Variants in GRM1 observed in about 807,000 individuals in gnomAD.
The protein encoded by GRM1 is metabotropic glutamate receptor 1.
A neutral mutation model predicts 90.9 loss-of-function variants in GRM1; 33 were observed. That is an observed-to-expected ratio of 0.36 (90% confidence interval 0.28 to 0.49). The LOEUF (loss-of-function observed/expected upper bound fraction) is 0.49, where lower values mean the gene tolerates loss of function less well. GRM1 is among the 20% of genes least tolerant of loss of function. The pLI, the probability that GRM1 is intolerant of heterozygous loss-of-function variation, is 0.99. For missense variants in GRM1, 1,190 were observed against 1,534.3 expected (o/e 0.78, Z 3.75); for synonymous variants, 700 against 613.2 (o/e 1.14, Z -2.09).
intron 2 of GRM1, among the ~76,000 whole-genome samples, chr6:146,212,247 T>G (rs1478402042): frequency 6.6e-6 from 1 of 152,238 alleles, no homozygotes; most frequent in Non-Finnish European, 1.5e-5. Context: ...GTAGCCTAGC[T>G]AAGTTGACAC....
chr6:146,159,756 G>A (rs1218042366), intron 2 of GRM1, 159 bp downstream of exon 2: 8 of 649,528 alleles, frequency 1.2e-5, no homozygotes, highest in Middle Eastern at 4.2e-4. Context: ...CATTAGTTCT[G>A]GATCTCACTG....
intron 3 of GRM1, among the ~76,000 whole-genome samples, chr6:146,323,210 T>C (rs946787493): frequency 2.0e-5 from 3 of 152,180 alleles, no homozygotes; most frequent in Admixed American, 2.0e-4. Flanking sequence ...CCACCAACAG[T>C]GTAAAAGTGT....
intron 1 of GRM1, among the ~76,000 whole-genome samples, chr6:146,122,215 C>T (rs868325244): frequency 1.3e-5 from 2 of 152,094 alleles, no homozygotes; most frequent in African/African-American, 4.8e-5. Flanking sequence ...TTGGTCTTTG[C>T]CCCCTTCTAG....
rs1450837030 is a variant in GRM1, at chr6:146,398,851, C to G, written c.1812C>G (p.Ile604Met). Residue 604 changes from isoleucine (I) to methionine (M), a missense_variant, in exon 7 of 8, where the codon ATC becomes ATG. Physicochemically the swap from Ile to Met is conservative, Grantham distance 10 (BLOSUM62 1). Coordinates refer to ENST00000282753, the MANE Select transcript of GRM1 (RefSeq NM_001278064.2). The part of the protein sequence containing the change: ...IIAIAFSCLG[I>M]LVTLFVTLIF... ...CCATCGCCTTTTCATGCCTGGGAAT[C>G]CTTGTTACCTTGTTTGTCACCCTAA... 29 of 1,613,714 alleles carry G rather than the reference C, an allele frequency of 1.8e-5. No homozygotes were observed. The highest frequency in any genetic ancestry group is 2.1e-5 in the Non-Finnish European group (25 of 1,179,640).
At chr6:146,180,468 G>C (rs964235963) in intron 2 of GRM1, among the ~76,000 whole-genome samples, 4 of 152,094 alleles carry the variant, frequency 2.6e-5, no homozygotes, top group Non-Finnish European at 5.9e-5. Context: ...TTTAAAAGCA[G>C]AGGAACTTTT....
At chr6:146,377,596 GCATTAGAAAAGAAAAACC>G (rs1460001781) in intron 5 of GRM1, among the ~76,000 whole-genome samples, 2 of 152,116 alleles carry the variant, frequency 1.3e-5, no homozygotes, top group African/African-American at 2.4e-5. Flanking sequence ...GCCTGATGAT[GCATTAGAAAAGAAAAACC>G]CATTTTCTAG....
At chr6:146,171,663 A>G (rs1361641210) in intron 2 of GRM1, 7 of 285,500 alleles carry the variant, frequency 2.5e-5, no homozygotes, top group African/African-American at 9.1e-5. Flanking sequence ...GAGTACATCA[A>G]AGATGACTGG....
intron 1 of GRM1, among the ~76,000 whole-genome samples, chr6:146,071,701 G>A (rs1305777860): frequency 1.3e-5 from 2 of 152,124 alleles, no homozygotes; most frequent in Non-Finnish European, 2.9e-5. Flanking sequence ...AAGGAAGGGA[G>A]ACAGGATAAG....
intron 1 of GRM1, among the ~76,000 whole-genome samples, chr6:146,124,849 A>G (rs538076836): frequency 2.2e-4 from 34 of 152,322 alleles, no homozygotes; most frequent in Admixed American, 4.6e-4. Flanking sequence ...GCAGGTTGAC[A>G]TTAATAACCA....
Position 146,148,335 on chromosome 6 carries a change from ATTG to A in GRM1, c.701-11010_701-11008del, listed in dbSNP as rs1259037907. Among the ~76,000 whole-genome samples the A allele has an allele frequency of 4.6e-5, 7 of 152,280 alleles. 1 individual carries two copies. The South Asian group carries it at 1.0e-3, about 23-fold the overall frequency. On this transcript the variant is annotated intron_variant, in intron 1 of 7. Transcript: ENST00000282753. Reference sequence around the variant, plus strand: ...ATAATTCTATCGTCTAAATAAAACTATTGTTAACATTTTTATACTTGTTCTTTA... The same window carrying A: ...ATAATTCTATCGTCTAAATAAAACTATTAACATTTTTATACTTGTTCTTTA...
chr6:146,304,683 G>C lies in GRM1; in HGVS notation c.1023G>C (p.Lys341Asn). 1 of 1,613,976 alleles carries C rather than the reference G, an allele frequency of 6.2e-7. No individual in the cohort carries two copies. The highest frequency in any genetic ancestry group is 8.5e-7 in the Non-Finnish European group (1 of 1,179,942). ...EVEANGGITI[K>N]LQSPEVRSFD... is the part of the protein sequence containing the mutation. ...AAGCCAACGGGGGAATCACGATAAA[G>C]CTGCAGTCTCCAGAGGTCAGGTCAT... The change falls in exon 3 of 8, where the codon AAG (lysine) becomes AAC (asparagine). Residue 341 changes from lysine (K) to asparagine (N), a missense_variant. Around this residue, in one of 10 missense-constraint regions of GRM1, gnomAD observed 414 missense variants for 598.4 expected, o/e 0.69. Transcript: ENST00000282753.
In GRM1 at chr6:146,435,358, C is replaced by T; in HGVS notation, c.*562C>T. ...CAGCTCCTTGCTCAGAAGCCCTTCT[C>T]CCCGCTGGGCTGACAGACTCCTCAT... On this transcript the variant is annotated 3_prime_UTR_variant, in exon 8 of 8. Coordinates refer to ENST00000282753, the MANE Select transcript of GRM1 (RefSeq NM_001278064.2). The T allele has an allele frequency of 5.3e-6, 1 of 190,238 alleles. No individual in the cohort carries two copies. The highest frequency in any genetic ancestry group is 5.3e-5 in the Admixed American group (1 of 18,836). The allele number at this position is 190,238 out of a possible 1,614,324, so 11.8% of individuals were successfully genotyped here. A position where few individuals can be genotyped will look rare whatever the true frequency, so the allele number is the denominator to read the frequency against.
chr6:146,239,512 A>G (rs930518540), intron 2 of GRM1, among the ~76,000 whole-genome samples: 1 of 152,122 alleles, frequency 6.6e-6, no homozygotes, highest in Non-Finnish European at 1.5e-5. Flanking sequence ...TTCTTTATAC[A>G]TAGCCAGGAC....
At position 146,128,240 on chromosome 6, in the gene GRM1, C is replaced by T. The variant is rs564071698; in HGVS notation, c.701-31108C>T. Among the ~76,000 whole-genome samples the T allele has an allele frequency of 9.2e-5, 14 of 152,268 alleles. No individual in the cohort carries two copies. In the South Asian group the frequency reaches 1.2e-3, roughly 14 times the overall value. On this transcript the variant is annotated intron_variant, in intron 1 of 7. Transcript: ENST00000282753. ...GTCTCAATGGAGGAGTTATAATTCA[C>T]GTTGTAGGAAGAACATGTGGAAGGG...
intron 1 of GRM1, among the ~76,000 whole-genome samples, chr6:146,048,822 A>G (rs1238023510): frequency 6.6e-6 from 1 of 152,034 alleles, no homozygotes; most frequent in Non-Finnish European, 1.5e-5. Context: ...ACCAAAAGCT[A>G]GGAGAAGGCA....
chr6:146,370,639 T>A (rs919145718), intron 5 of GRM1, among the ~76,000 whole-genome samples: 2 of 152,020 alleles, frequency 1.3e-5, no homozygotes, highest in African/African-American at 4.8e-5. Context: ...AGAAGTTGAT[T>A]AATTGAATAT....
chr6:146,167,594 T>C (rs2128893466), intron 2 of GRM1, among the ~76,000 whole-genome samples: 1 of 152,200 alleles, frequency 6.6e-6, no homozygotes, highest in African/African-American at 2.4e-5. Flanking sequence ...AGTGGGTGTA[T>C]CGTGGCATCT....
At chr6:146,278,160 C>T (rs1029753290) in intron 2 of GRM1, among the ~76,000 whole-genome samples, 1 of 152,078 alleles carries the variant, frequency 6.6e-6, no homozygotes, top group Non-Finnish European at 1.5e-5. Flanking sequence ...TATGTACCTT[C>T]AAATCATATT....
intron 1 of GRM1, among the ~76,000 whole-genome samples, chr6:146,063,181 C>A (rs373861712): frequency 6.6e-6 from 1 of 152,200 alleles, no homozygotes; most frequent in South Asian, 2.1e-4. Flanking sequence ...CCAGCATAGG[C>A]TCCAGTGCAA....
Sources: allele counts gnomAD v4.1 joint callset (sites outside exome capture counted in the v4.1 genomes callset), GRCh38; gene constraint gnomAD v4.1.1; regional missense constraint gnomAD v4.1.1; transcripts MANE v1.5; gene names NCBI Gene and HGNC (gene_info 2026-07-23, HGNC 2026-07-21).